The following CDH4 variants were observed in gnomAD, a reference collection of about 807,000 sequenced individuals.
CDH4 encodes the protein cadherin-4.
CDH4 carries 33 observed loss-of-function variants against 86.0 expected under a neutral mutation model. The observed-to-expected ratio is 0.38, with a 90% confidence interval of 0.29 to 0.51. CDH4 has a LOEUF of 0.51. Ranked by LOEUF, CDH4 falls within the 20% of genes least tolerant of loss-of-function variation. The pLI is 0.86. For missense variants in CDH4, 1,114 were observed against 1,307.4 expected, an observed-to-expected ratio of 0.85 and a Z score of 2.28; for synonymous variants, 555 against 549.4, an observed-to-expected ratio of 1.01 and a Z score of -0.14.
In CDH4 at chr20:61,675,082, T is replaced by C. The variant is rs372111359; in HGVS notation, c.170-68481T>C. Among the ~76,000 whole-genome samples, 46 of 152,362 alleles carry C rather than the reference T, an allele frequency of 3.0e-4. No homozygotes were observed. In the South Asian group the frequency reaches 7.9e-3, roughly 26 times the overall value. On this transcript the variant is annotated intron_variant, in intron 2 of 15. Transcript: ENST00000614565. ...CAGAGATAGAATGGGGTCTTCATTC[T>C]AGCAGTGCAGGAAGGGGCTAGGTCT...
intron 2 of CDH4, among the ~76,000 whole-genome samples, chr20:61,400,974 C>T (rs1027176810): frequency 1.3e-4 from 20 of 152,338 alleles, no homozygotes; most frequent in African/African-American, 4.3e-4. Flanking sequence ...CTTTCACAGT[C>T]GCCAGCATGC....
At chr20:61,617,485 C>T (rs1312578371) in intron 2 of CDH4, among the ~76,000 whole-genome samples, 1 of 152,248 alleles carries the variant, frequency 6.6e-6, no homozygotes, top group African/African-American at 2.4e-5. Context: ...AACGTCCCCC[C>T]ATTCCCCGTT....
intron 2 of CDH4, among the ~76,000 whole-genome samples, chr20:61,380,029 G>T (rs1014452972): frequency 2.6e-5 from 4 of 152,158 alleles, no homozygotes; most frequent in African/African-American, 9.7e-5. Context: ...CTGGGAAGCT[G>T]TCCCTTTGAA....
rs375816531 is a variant in CDH4, at chr20:61,595,525, C to T, written c.170-148038C>T. Among the ~76,000 whole-genome samples the T allele has an allele frequency of 1.1e-4, 16 of 152,186 alleles. No individual in the cohort carries two copies. The East Asian group carries it at 1.9e-3, about 18-fold the overall frequency. On this transcript the variant is annotated intron_variant, in intron 2 of 15. Coordinates refer to ENST00000614565, the MANE Select transcript of CDH4 (RefSeq NM_001794.5). ...TCGTGTGGGAACACCCCGTGGGGCC[C>T]TCCCTTTTGTGTCCCCTGGAACAAA... is the stretch of plus-strand genomic sequence containing the variant.
chr20:61,923,140 A>AG (rs1568889976), intron 9 of CDH4, among the ~76,000 whole-genome samples: 2 of 152,210 alleles, frequency 1.3e-5, no homozygotes, highest in Non-Finnish European at 1.5e-5. Flanking sequence ...GGCCAGGAAG[A>AG]GGGGCCGCCC....
intron 3 of CDH4, among the ~76,000 whole-genome samples, chr20:61,757,657 CAAG>C (rs952529130): frequency 6.6e-6 from 1 of 152,202 alleles, no homozygotes; most frequent in African/African-American, 2.4e-5. Context: ...GTCACTGTCC[CAAG>C]AAGATCTGAA....
intron 2 of CDH4, among the ~76,000 whole-genome samples, chr20:61,482,013 C>A (rs2085571029): frequency 6.6e-6 from 1 of 152,130 alleles, no homozygotes; most frequent in African/African-American, 2.4e-5. Context: ...GCTAGCTGAT[C>A]CCGTGCAAAA....
intron 2 of CDH4, among the ~76,000 whole-genome samples, chr20:61,467,551 G>A (rs1290364830): frequency 6.6e-6 from 1 of 152,144 alleles, no homozygotes; most frequent in African/African-American, 2.4e-5. Context: ...TGAGGCCAGG[G>A]GTTTGAGAAA....
At chr20:61,827,625 C>G (rs1473822731) in intron 4 of CDH4, among the ~76,000 whole-genome samples, 1 of 152,144 alleles carries the variant, frequency 6.6e-6, no homozygotes, top group South Asian at 2.1e-4. Context: ...AATAAAAGAC[C>G]AGCCCAATAG....
Position 61,623,255 on chromosome 20 carries a change from G to A in CDH4, c.170-120308G>A, listed in dbSNP as rs577049832. Among the ~76,000 whole-genome samples the A allele has an allele frequency of 5.3e-5, 8 of 152,164 alleles. No individual in the cohort carries two copies. The South Asian group carries it at 6.2e-4, about 12-fold the overall frequency. On this transcript the variant is annotated intron_variant, in intron 2 of 15. Coordinates refer to ENST00000614565, the MANE Select transcript of CDH4 (RefSeq NM_001794.5). This position sits in a 1 kb window ranked among gnomAD's most constrained non-coding sequence, Gnocchi z 4.4. ...TGCACCCCACTCACCACACTGCGGC[G>A]CCTGCTTTTTCCTTGAGCATCTGGG...
At chr20:61,668,833 G>C (rs2087355145) in intron 2 of CDH4, among the ~76,000 whole-genome samples, 1 of 152,204 alleles carries the variant, frequency 6.6e-6, no homozygotes, top group Admixed American at 6.5e-5. Flanking sequence ...ATCATCCAGG[G>C]AGAAAGGAAA....
intron 8 of CDH4, among the ~76,000 whole-genome samples, chr20:61,904,786 C>T (rs1376550061): frequency 6.6e-6 from 1 of 152,264 alleles, no homozygotes. Flanking sequence ...AAGACAGGAC[C>T]ACCGTGGCCC....
Position 61,516,580 on chromosome 20 carries a change from A to G in CDH4, c.170-226983A>G, listed in dbSNP as rs1346614078. Reference sequence around the variant, plus strand: ...CTGCCCCCCTGAGTCACAGCATCACAGAAAACAGTTTACAAGGTCATCTGG... The same window carrying G: ...CTGCCCCCCTGAGTCACAGCATCACGGAAAACAGTTTACAAGGTCATCTGG... On this transcript the variant is annotated intron_variant, in intron 2 of 15. Transcript: ENST00000614565. This position sits in a 1 kb window ranked among gnomAD's most constrained non-coding sequence, Gnocchi z 4.0. Among the ~76,000 whole-genome samples the G allele has an allele frequency of 6.6e-6, 1 of 152,174 alleles. No individual in the cohort carries two copies. Among genetic ancestry groups the G allele is most frequent in the East Asian group, 1.9e-4 (1 of 5,188 alleles).
rs377418331 is a variant in CDH4, at chr20:61,417,231, G to A, written c.169+162294G>A. Among the ~76,000 whole-genome samples the A allele has an allele frequency of 6.6e-6, 1 of 151,914 alleles. No individual in the cohort carries two copies. Among genetic ancestry groups the A allele is most frequent in the African/African-American group, 2.4e-5 (1 of 41,368 alleles). On this transcript the variant is annotated intron_variant, in intron 2 of 15. Coordinates refer to ENST00000614565, the MANE Select transcript of CDH4 (RefSeq NM_001794.5). The surrounding 1 kb of genome is among the most constrained non-coding windows in gnomAD (Gnocchi z 4.0). ...GACTCACTCTTTCTCTCTTGGTCGT[G>A]CTCTCTCTTCCCCCTCCCTCTCACT... is the stretch of plus-strand genomic sequence containing the variant.
intron 2 of CDH4, among the ~76,000 whole-genome samples, chr20:61,497,817 T>C (rs977126789): frequency 2.6e-5 from 4 of 152,060 alleles, no homozygotes; most frequent in African/African-American, 9.7e-5. Context: ...CAAATGTCCA[T>C]CAGTGATAGA....
chr20:61,882,884 CTCTTT>C (rs1359726840), intron 7 of CDH4, among the ~76,000 whole-genome samples: 3 of 151,236 alleles, frequency 2.0e-5, no homozygotes, highest in African/African-American at 7.3e-5. Context: ...GCCTTTCCTT[CTCTTT>C]TATGTCCACT....
At chr20:61,560,553 G>A (rs915692893) in intron 2 of CDH4, among the ~76,000 whole-genome samples, 4 of 152,196 alleles carry the variant, frequency 2.6e-5, no homozygotes, top group South Asian at 2.1e-4. Context: ...CCTTGGCCAA[G>A]GTTCCCTAGC....
At chr20:61,448,344 C>T (rs567477584) in intron 2 of CDH4, among the ~76,000 whole-genome samples, 1 of 152,270 alleles carries the variant, frequency 6.6e-6, no homozygotes, top group African/African-American at 2.4e-5. Flanking sequence ...AGGTATTATG[C>T]GAACGTTTTA....
intron 2 of CDH4, among the ~76,000 whole-genome samples, chr20:61,271,567 G>T (rs777572362): frequency 6.6e-6 from 1 of 152,212 alleles, no homozygotes; most frequent in African/African-American, 2.4e-5. Context: ...ATCCTACAAC[G>T]TGAGGCCCCG....
Sources: gnomAD v4.1 joint callset for allele counts (sites outside exome capture counted in the v4.1 genomes callset) on GRCh38, gnomAD v4.1.1 for gene constraint, Gnocchi (gnomAD v3.1) non-coding constraint, MANE v1.5 for transcripts, NCBI Gene and HGNC (gene_info 2026-07-23, HGNC 2026-07-21) for gene names.